Variants in MGAM observed in about 807,000 individuals in gnomAD.
MGAM encodes alpha-1,4-glucosidase.
A neutral mutation model predicts 358.8 loss-of-function variants in MGAM; 253 were observed. The observed-to-expected ratio is 0.71, with a 90% confidence interval of 0.64 to 0.78. The LOEUF (loss-of-function observed/expected upper bound fraction) is 0.78. MGAM is among the 30% of genes least tolerant of loss of function. MGAM has a pLI of 0.00. For missense variants in MGAM, 3,080 were observed against 3,432.6 expected (o/e 0.90, Z 2.57); for synonymous variants, 1,105 against 1,227.1 (o/e 0.90, Z 2.08).
intron 67 of MGAM, 119 bp from the exon 68 acceptor site, chr7:142,100,683 A>T: frequency 1.2e-6 from 1 of 808,596 alleles, no homozygotes; most frequent in Non-Finnish European, 2.1e-6. Context: ...CTTGAATTCT[A>T]GTATGCAGTC....
At chr7:142,031,041 T>C (rs1554463539) in intron 12 of MGAM, among the ~76,000 whole-genome samples, 2 of 152,054 alleles carry the variant, frequency 1.3e-5, no homozygotes, top group Non-Finnish European at 2.9e-5. Context: ...CTGACTGTGG[T>C]CTCCTTCCTT....
chr7:142,045,640 AAT>A (rs1459921985), intron 21 of MGAM, among the ~76,000 whole-genome samples: 1 of 106,250 alleles, frequency 9.4e-6, no homozygotes, highest in Non-Finnish European at 1.7e-5. Flanking sequence ...ATGAATATAT[AAT>A]ATATATTATA....
chr7:141,986,752 ATTAC>A (rs1313096086), intron 2 of MGAM, among the ~76,000 whole-genome samples: 2 of 152,214 alleles, frequency 1.3e-5, no homozygotes, highest in African/African-American at 2.4e-5. Context: ...ATTGATTGAA[ATTAC>A]TTACTCTTCT....
chr7:142,043,063 T>A lies in MGAM; in HGVS notation c.2498+2217T>A, dbSNP rs1809256120. Among the ~76,000 whole-genome samples the A allele has an allele frequency of 5.3e-5, 4 of 74,922 alleles. No homozygotes were observed. The South Asian group carries it at 1.6e-3, about 31-fold the overall frequency. 49.2% of individuals were successfully genotyped at this position (74,922 alleles called of 152,430 possible). A position where few individuals can be genotyped will look rare whatever the true frequency, so the allele number is the denominator to read the frequency against. On this transcript the variant is annotated intron_variant, in intron 21 of 70. Transcript: ENST00000475668. ...CTAAATATAATATCTATATTATATA[T>A]ACATATAATATCTAAATATAATATA... is the stretch of plus-strand genomic sequence containing the variant.
At position 142,052,286 on chromosome 7, in the gene MGAM, T is replaced by C; in HGVS notation, c.2806-8T>C. ...ATGAATTTCCTTATGATTTCCACATTCCTACAGGTTGCCATTATCACAGAT... is the reference window on the plus strand; with the variant it reads ...ATGAATTTCCTTATGATTTCCACATCCCTACAGGTTGCCATTATCACAGAT... On this transcript the variant is annotated splice_region_variant and splice_polypyrimidine_tract_variant and intron_variant, in intron 24 of 70. Coordinates refer to ENST00000475668, the MANE Select transcript of MGAM (RefSeq NM_001365693.1). 6.3e-7 allele frequency: 1 copy of C among 1,598,260 alleles called. No individual in the cohort carries two copies. Among genetic ancestry groups the C allele is most frequent in the Admixed American group, 1.7e-5 (1 of 57,574 alleles).
intron 34 of MGAM, among the ~76,000 whole-genome samples, chr7:142,060,687 TCCCACTGGGCGATAC>T (rs1233702940): frequency 3.0e-4 from 45 of 152,252 alleles, no homozygotes; most frequent in African/African-American, 1.1e-3. Context: ...CCCAAGAAAT[TCCCACTGGGCGATAC>T]CTCCTAGCAG....
Position 142,046,247 on chromosome 7 carries a change from T to G in MGAM, c.2499-1538T>G, listed in dbSNP as rs192079820. On this transcript the variant is annotated intron_variant, in intron 21 of 70. Transcript: ENST00000475668. ...TAGTATTTCAAGAACAGTTGTATACTCTGTGCTTGAAAATTTTATTATCTG... is the reference window on the plus strand; with the variant it reads ...TAGTATTTCAAGAACAGTTGTATACGCTGTGCTTGAAAATTTTATTATCTG... Among the ~76,000 whole-genome samples, 4 of 151,224 alleles carry G rather than the reference T, an allele frequency of 2.6e-5. No individual in the cohort carries two copies. In the Admixed American group the frequency reaches 2.7e-4, roughly 10 times the overall value.
At chr7:142,079,836 A>G (rs1814087206) in intron 49 of MGAM, among the ~76,000 whole-genome samples, 2 of 146,432 alleles carry the variant, frequency 1.4e-5, no homozygotes, top group Admixed American at 1.4e-4. Flanking sequence ...GAGTTTTTGT[A>G]CATCGTCTAA....
At chr7:142,095,514 C>T (rs543086613) in intron 63 of MGAM, 51 bp from the exon 64 acceptor site, 1 of 1,610,116 alleles carries the variant, frequency 6.2e-7, no homozygotes, top group African/African-American at 1.3e-5. Context: ...CTTCTTAAAT[C>T]CCCTAGAAAT....
At chr7:142,052,240 T>G in intron 24 of MGAM, 54 bp from the exon 25 acceptor site, 8 of 1,482,068 alleles carry the variant, frequency 5.4e-6, no homozygotes, top group Non-Finnish European at 7.2e-6. Flanking sequence ...CCTCAGGTCT[T>G]GCAAAGCCTG....
Position 142,082,627 on chromosome 7 carries a change from A to G in MGAM, c.6268+56A>G, listed in dbSNP as rs1814415397. On this transcript the variant is annotated intron_variant, in intron 52 of 70. Coordinates refer to ENST00000475668, the MANE Select transcript of MGAM (RefSeq NM_001365693.1). ...GGGGGATACCAGTCATGCCTGAGTC[A>G]GTTTAGAATGTGTTTAGCCTAACTG... The G allele has an allele frequency of 1.5e-6, 2 of 1,300,152 alleles. 1 individual carries two copies. The highest frequency in any genetic ancestry group is 5.1e-5 in the East Asian group (2 of 39,322). 80.5% of individuals were successfully genotyped at this position (1,300,152 alleles called of 1,614,324 possible).
In MGAM at chr7:142,044,045, T is replaced by C. The variant is rs564349552; in HGVS notation, c.2498+3199T>C. On this transcript the variant is annotated intron_variant, in intron 21 of 70. Coordinates refer to ENST00000475668, the MANE Select transcript of MGAM (RefSeq NM_001365693.1). ...TTATATACACATACGACGTATAATA[T>C]ATACATTATATACACATACGACGTA... Among the ~76,000 whole-genome samples the C allele has an allele frequency of 2.0e-4, 26 of 129,264 alleles. 1 individual carries two copies. The highest frequency in any genetic ancestry group is 4.6e-4 in the African/African-American group (15 of 32,494). The allele number at this position is 129,264 out of a possible 152,430, so 84.8% of individuals were successfully genotyped here.
At chr7:142,024,357 T>C (rs1370133547) in intron 7 of MGAM, among the ~76,000 whole-genome samples, 1 of 150,696 alleles carries the variant, frequency 6.6e-6, no homozygotes, top group Non-Finnish European at 1.5e-5. Context: ...GAGGTTACCG[T>C]GAGCCAAGAT....
At chr7:142,098,060 AT>A (rs1338470122) in intron 66 of MGAM, among the ~76,000 whole-genome samples, 1 of 152,098 alleles carries the variant, frequency 6.6e-6, no homozygotes, top group Non-Finnish European at 1.5e-5. Context: ...CTGTCTTTTT[AT>A]TAAATATCTC....
chr7:142,106,550 G>A lies in MGAM; in HGVS notation c.*659G>A, dbSNP rs1816871539. The A allele has an allele frequency of 6.6e-6, 1 of 152,188 alleles. No individual in the cohort carries two copies. The highest frequency in any genetic ancestry group is 1.5e-5 in the Non-Finnish European group (1 of 68,040). 9.4% of individuals were successfully genotyped at this position (152,188 alleles called of 1,614,324 possible). ...AGAAGAGGGTCTTGAGAAATCCTTA[G>A]CATAAAGGGCTACTGGTGAGATTGA... On this transcript the variant is annotated 3_prime_UTR_variant, in exon 71 of 71. Coordinates refer to ENST00000475668, the MANE Select transcript of MGAM (RefSeq NM_001365693.1).
chr7:142,091,372 C>T (rs1815371351), intron 57 of MGAM, among the ~76,000 whole-genome samples: 1 of 146,180 alleles, frequency 6.8e-6, no homozygotes, highest in African/African-American at 2.4e-5. Flanking sequence ...TTTAAGTCCT[C>T]TCAATTTATC....
intron 47 of MGAM, 144 bp from the exon 48 acceptor site, chr7:142,078,174 C>A: frequency 1.5e-6 from 1 of 673,444 alleles, no homozygotes; most frequent in Non-Finnish European, 2.3e-6. Flanking sequence ...TTCTTATAAG[C>A]TAAAGTGATA....
chr7:142,071,367 A>G (rs1031045895), intron 44 of MGAM, among the ~76,000 whole-genome samples: 8 of 146,846 alleles, frequency 5.4e-5, no homozygotes, highest in African/African-American at 1.9e-4. Context: ...TAAATCTCAC[A>G]TCTGACATGG....
chr7:141,993,549 A>G (rs1343184305), upstream of MGAM, among the ~76,000 whole-genome samples: 1 of 152,212 alleles, frequency 6.6e-6, no homozygotes, highest in Non-Finnish European at 1.5e-5. Flanking sequence ...AGAGCGGGGA[A>G]CTCTGCCCCA....
Sources: allele counts gnomAD v4.1 joint callset (sites outside exome capture counted in the v4.1 genomes callset), GRCh38; gene constraint gnomAD v4.1.1; transcripts MANE v1.5; gene names NCBI Gene and HGNC (gene_info 2026-07-23, HGNC 2026-07-21).